RAPGEF4: variants seen among roughly 807,000 people sequenced by gnomAD.
RAPGEF4 encodes RAP guanine-nucleotide-exchange factor (GEF) 4.
A neutral mutation model predicts 147.9 loss-of-function variants in RAPGEF4; 66 were observed. The ratio of observed to expected loss-of-function variants is 0.45; its 90% CI spans 0.37 to 0.55. The LOEUF (loss-of-function observed/expected upper bound fraction) is 0.55, where lower values mean the gene tolerates loss of function less well. RAPGEF4 is among the 20% of genes least tolerant of loss of function. The pLI is 0.00. For missense variants in RAPGEF4, 1,071 were observed against 1,257.3 expected (o/e 0.85, Z 2.24); for synonymous variants, 419 against 442.7 (o/e 0.95, Z 0.67).
intron 22 of RAPGEF4, 28 bp from the exon 23 acceptor site, chr2:173,020,590 G>T (rs373463818): frequency 4.3e-5 from 67 of 1,563,200 alleles, no homozygotes; most frequent in Non-Finnish European, 5.6e-5. Flanking sequence ...GTATTTAATA[G>T]GCAATCTCAT....
At position 173,043,462 on chromosome 2, in the gene RAPGEF4, G is replaced by A. The variant is rs1437435425; in HGVS notation, c.2854-5138G>A. On this transcript the variant is annotated intron_variant, in intron 29 of 30. Transcript: ENST00000397081. ...GCTATTGTGGCCGCTGTCTGGGAGC[G>A]GGAGGTCCTAGAGTGGTACCAATGA... 5.3e-5 allele frequency among the ~76,000 whole-genome samples: 8 copies of A among 152,318 alleles called. No individual in the cohort carries two copies. The South Asian group carries it at 8.3e-4, about 16-fold the overall frequency.
At chr2:172,860,567 GT>G (rs11400519) in intron 4 of RAPGEF4, among the ~76,000 whole-genome samples, 351 of 129,474 alleles carry the variant, frequency 2.7e-3, no homozygotes, top group Middle Eastern at 3.8e-3. Context: ...GTTTATTTGG[GT>G]TTTTTTTTTT....
At chr2:172,951,754 T>A (rs965951868) in intron 6 of RAPGEF4, among the ~76,000 whole-genome samples, 1 of 152,132 alleles carries the variant, frequency 6.6e-6, no homozygotes, top group Non-Finnish European at 1.5e-5. Context: ...AGCCAGACAG[T>A]TACACTGTAA....
At chr2:172,892,583 T>C (rs1001592904) in intron 4 of RAPGEF4, among the ~76,000 whole-genome samples, 9 of 152,240 alleles carry the variant, frequency 5.9e-5, no homozygotes, top group Admixed American at 5.9e-4. Flanking sequence ...TCACCTCAGA[T>C]AACAGGGGAT....
chr2:172,968,570 C>T (rs1690113573), intron 10 of RAPGEF4, among the ~76,000 whole-genome samples: 1 of 152,178 alleles, frequency 6.6e-6, no homozygotes, highest in African/African-American at 2.4e-5. Context: ...CCATGTGTTT[C>T]AAAGGCCTCC....
At chr2:172,735,826 G>T, upstream of RAPGEF4, 7 of 443,196 alleles carry the variant, frequency 1.6e-5, no homozygotes, top group Non-Finnish European at 2.3e-5. Context: ...CCCAGGCCGC[G>T]GGAGCCCGCG....
At chr2:172,756,422 C>T (rs1004085988) in intron 1 of RAPGEF4, among the ~76,000 whole-genome samples, 9 of 152,228 alleles carry the variant, frequency 5.9e-5, no homozygotes, top group Admixed American at 6.5e-5. Context: ...TTAGCTTTCA[C>T]ATGGCCCTCA....
chr2:172,768,929 C>T (rs547803730), intron 1 of RAPGEF4, among the ~76,000 whole-genome samples: 1 of 152,366 alleles, frequency 6.6e-6, no homozygotes, highest in South Asian at 2.1e-4. Flanking sequence ...CGTGTACTCT[C>T]ACAGAGAACT....
chr2:172,919,225 G>T (rs1684440967), intron 5 of RAPGEF4, among the ~76,000 whole-genome samples: 2 of 152,162 alleles, frequency 1.3e-5, no homozygotes, highest in African/African-American at 4.8e-5. Context: ...GAGGGTTGTT[G>T]TGAAGATCAA....
chr2:172,823,434 G>A (rs1411217558), intron 4 of RAPGEF4, among the ~76,000 whole-genome samples: 1 of 152,192 alleles, frequency 6.6e-6, no homozygotes, highest in Non-Finnish European at 1.5e-5. Flanking sequence ...GGAGAAATCC[G>A]CTCTGGGGTT....
Position 172,850,550 on chromosome 2 carries a change from G to A in RAPGEF4, c.444+36125G>A, listed in dbSNP as rs544326868. On this transcript the variant is annotated intron_variant, in intron 4 of 30. Transcript: ENST00000397081. Reference sequence around the variant, plus strand: ...GGAGAATGGCATGAACCCGGGAGGCGGAGCTTGCAGTGAGCCAAGATCATG... The same window carrying A: ...GGAGAATGGCATGAACCCGGGAGGCAGAGCTTGCAGTGAGCCAAGATCATG... Among the ~76,000 whole-genome samples the A allele has an allele frequency of 4.5e-3, 684 of 151,984 alleles. 7 individuals are homozygous for A. The highest frequency in any genetic ancestry group is 0.015 in the African/African-American group (632 of 41,446).
chr2:172,966,164 G>A lies in RAPGEF4; in HGVS notation c.820+481G>A, dbSNP rs1189384815. Among the ~76,000 whole-genome samples the A allele has an allele frequency of 2.0e-5, 3 of 152,184 alleles. No individual in the cohort carries two copies. The East Asian group carries it at 5.8e-4, about 29-fold the overall frequency. ...GATGACCATATTTAAAATCAAGAATGTGCTCTGCAATTGTGGCTCTTGATA... is the reference window on the plus strand; with the variant it reads ...GATGACCATATTTAAAATCAAGAATATGCTCTGCAATTGTGGCTCTTGATA... On this transcript the variant is annotated intron_variant, in intron 9 of 30. Transcript: ENST00000397081.
At position 173,042,109 on chromosome 2, in the gene RAPGEF4, G is replaced by GTT. The variant is rs1684837987; in HGVS notation, c.2853+5418_2853+5419insTT. ...TCTTCAATGTCTTCCCTACCAGAAT[G>GTT]TAAGTGCCCTGGCCCAGGTATCTGT... On this transcript the variant is annotated intron_variant, in intron 29 of 30. Transcript: ENST00000397081. This position sits in a 1 kb window ranked among gnomAD's most constrained non-coding sequence, Gnocchi z 4.2. Among the ~76,000 whole-genome samples, 1 of 152,184 alleles carries GTT rather than the reference G, an allele frequency of 6.6e-6. No individual in the cohort carries two copies. Among genetic ancestry groups the GTT allele is most frequent in the Non-Finnish European group, 1.5e-5 (1 of 68,044 alleles).
intron 3 of RAPGEF4, among the ~76,000 whole-genome samples, chr2:172,806,703 G>T (rs1184010868): frequency 2.0e-5 from 3 of 152,090 alleles, no homozygotes; most frequent in African/African-American, 7.2e-5. Context: ...AGAGAATCCG[G>T]GCTACACTTG....
chr2:172,905,735 T>C (rs909222026), intron 4 of RAPGEF4, among the ~76,000 whole-genome samples: 8 of 152,352 alleles, frequency 5.3e-5, no homozygotes, highest in African/African-American at 1.7e-4. Flanking sequence ...GAATTAAAAA[T>C]GGTCATAAAT....
At chr2:173,001,491 C>T (rs1447030874) in intron 17 of RAPGEF4, 147 bp downstream of exon 17, 2 of 985,314 alleles carry the variant, frequency 2.0e-6, no homozygotes, top group Non-Finnish European at 3.0e-6. Flanking sequence ...TGTGTTTTCC[C>T]ACATTTCCCA....
chr2:173,007,676 A>T (rs1042660639), intron 17 of RAPGEF4, among the ~76,000 whole-genome samples: 3 of 152,184 alleles, frequency 2.0e-5, no homozygotes, highest in Admixed American at 2.0e-4. Flanking sequence ...CTTACCAAAG[A>T]TCATACAGTT....
intron 4 of RAPGEF4, among the ~76,000 whole-genome samples, chr2:172,853,891 A>G (rs1256740592): frequency 6.6e-6 from 1 of 151,976 alleles, no homozygotes; most frequent in Non-Finnish European, 1.5e-5. Flanking sequence ...GTCCGAAAAC[A>G]TATTTTTTAG....
Position 172,849,511 on chromosome 2 carries a change from GT to G in RAPGEF4, c.444+35092del, listed in dbSNP as rs1476722148. Among the ~76,000 whole-genome samples, 76 of 152,194 alleles carry G rather than the reference GT, an allele frequency of 5.0e-4. 1 individual carries two copies. Among genetic ancestry groups the G allele is most frequent in the Non-Finnish European group, 1.5e-5 (1 of 68,030 alleles). ...TGAAAGTAAAAGAATAACAGAGCCAGTTTTTTATGTTTGCACTACAATTTGG... is the reference window on the plus strand; with the variant it reads ...TGAAAGTAAAAGAATAACAGAGCCAGTTTTTATGTTTGCACTACAATTTGG... On this transcript the variant is annotated intron_variant, in intron 4 of 30. Transcript: ENST00000397081.
Sources: allele counts gnomAD v4.1 joint callset (sites outside exome capture counted in the v4.1 genomes callset), GRCh38; gene constraint gnomAD v4.1.1; non-coding constraint Gnocchi (gnomAD v3.1); transcripts MANE v1.5; gene names NCBI Gene and HGNC (gene_info 2026-07-23, HGNC 2026-07-21).